FNIP1: variants seen among roughly 807,000 people sequenced by gnomAD.
FNIP1 encodes folliculin-interacting protein 1.
FNIP1 carries 40 observed loss-of-function variants against 124.5 expected under a neutral mutation model. That is an observed-to-expected ratio of 0.32 (90% CI 0.25 to 0.42). The LOEUF (loss-of-function observed/expected upper bound fraction) is 0.42. Ranked by LOEUF, FNIP1 falls within the 10% of genes least tolerant of loss-of-function variation. The pLI is 1.00. For synonymous variants in FNIP1, 472 were observed against 470.6 expected, an observed-to-expected ratio of 1.00 and a Z score of -0.04; for missense variants, 1,176 against 1,403.7, an observed-to-expected ratio of 0.84 and a Z score of 2.59.
intron 16 of FNIP1, among the ~76,000 whole-genome samples, chr5:131,648,113 T>G (rs1223439391): frequency 1.4e-5 from 2 of 147,638 alleles, no homozygotes; most frequent in African/African-American, 5.0e-5. Context: ...GAGGATCATC[T>G]GAGGCCAGGA....
intron 5 of FNIP1, 29 bp from the exon 6 acceptor site, chr5:131,716,685 CAA>C (rs549901556): frequency 1.7e-4 from 242 of 1,394,224 alleles, no homozygotes; most frequent in Non-Finnish European, 2.3e-4. Flanking sequence ...AAATTAATTC[CAA>C]ATTCATTTTA....
chr5:131,749,593 T>C (rs149938194), intron 1 of FNIP1, among the ~76,000 whole-genome samples: 2 of 152,234 alleles, frequency 1.3e-5, no homozygotes, highest in South Asian at 2.1e-4. Context: ...GGTTCCACCA[T>C]GTTGGCCAGG....
At chr5:131,694,211 T>C (rs1479085227) in intron 11 of FNIP1, among the ~76,000 whole-genome samples, 4 of 152,204 alleles carry the variant, frequency 2.6e-5, no homozygotes, top group Non-Finnish European at 5.9e-5. Context: ...CCAGCAATCA[T>C]GCTCCTATGT....
intron 1 of FNIP1, among the ~76,000 whole-genome samples, chr5:131,792,643 T>C (rs1772445753): frequency 6.6e-6 from 1 of 152,222 alleles, no homozygotes; most frequent in African/African-American, 2.4e-5. Flanking sequence ...TTTTGATCAC[T>C]GACAAGACGC....
chr5:131,723,037 T>C (rs957244525), intron 3 of FNIP1, among the ~76,000 whole-genome samples: 2 of 152,208 alleles, frequency 1.3e-5, no homozygotes, highest in African/African-American at 4.8e-5. Flanking sequence ...AGGTTACTAA[T>C]ATACAAAGCA....
At chr5:131,765,937 CTT>C (rs902564129) in intron 1 of FNIP1, among the ~76,000 whole-genome samples, 2 of 152,162 alleles carry the variant, frequency 1.3e-5, no homozygotes, top group African/African-American at 4.8e-5. Flanking sequence ...CAAGTATCTT[CTT>C]CTCATGCTCT....
At chr5:131,671,455 A>G in intron 14 of FNIP1, 50 bp downstream of exon 14, 1 of 1,378,034 alleles carries the variant, frequency 7.3e-7, no homozygotes, top group African/African-American at 1.4e-5. Context: ...AAAAAAGAGA[A>G]TGGTACATAT....
chr5:131,736,955 CTTAT>C (rs911771763), intron 2 of FNIP1, among the ~76,000 whole-genome samples: 1 of 152,116 alleles, frequency 6.6e-6, no homozygotes, highest in Non-Finnish European at 1.5e-5. Context: ...GAACTTGCAA[CTTAT>C]TTGTGATTGT....
intron 1 of FNIP1, among the ~76,000 whole-genome samples, chr5:131,775,430 A>T (rs1396994706): frequency 2.1e-5 from 3 of 146,042 alleles, no homozygotes; most frequent in African/African-American, 7.7e-5. Context: ...AGTAAGGATA[A>T]TAAAACAGTT....
At chr5:131,727,808 G>T (rs756702731) in intron 3 of FNIP1, among the ~76,000 whole-genome samples, 1 of 152,126 alleles carries the variant, frequency 6.6e-6, no homozygotes, top group Non-Finnish European at 1.5e-5. Context: ...TTTTGCAGTG[G>T]CTGTTACCGT....
At chr5:131,726,231 C>CT (rs1169566464) in intron 3 of FNIP1, among the ~76,000 whole-genome samples, 1 of 152,124 alleles carries the variant, frequency 6.6e-6, no homozygotes, top group East Asian at 1.9e-4. Flanking sequence ...GGAGGATTTC[C>CT]TTTTTTTCTA....
At chr5:131,726,629 A>AT (rs1297701480) in intron 3 of FNIP1, among the ~76,000 whole-genome samples, 3 of 152,042 alleles carry the variant, frequency 2.0e-5, no homozygotes, top group South Asian at 4.1e-4. Flanking sequence ...GGATTCATTG[A>AT]TTTTTTGAAG....
At chr5:131,653,961 C>T (rs1561638279) in intron 15 of FNIP1, among the ~76,000 whole-genome samples, 1 of 152,168 alleles carries the variant, frequency 6.6e-6, no homozygotes, top group South Asian at 2.1e-4. Flanking sequence ...AGGCTGGTCT[C>T]GAACTCCTGA....
rs1215748379 is a variant in FNIP1 at position 131,715,138 on chromosome 5, C to T, written c.622+1427G>A. Among the ~76,000 whole-genome samples the T allele has an allele frequency of 2.0e-5, 3 of 152,224 alleles. No homozygotes were observed. The East Asian group carries it at 5.8e-4, about 29-fold the overall frequency. ...TAAAAGTGAAGACAAGTATATCTAA[C>T]CTCTATAGTATAATTTACCTTTATA... On this transcript the variant is annotated intron_variant, in intron 6 of 17. Transcript: ENST00000510461.
At chr5:131,785,113 C>CAT (rs1449142035) in intron 1 of FNIP1, among the ~76,000 whole-genome samples, 1 of 10,132 alleles carries the variant, frequency 9.9e-5, no homozygotes, top group Non-Finnish European at 3.1e-4. Context: ...ATATATATAT[C>CAT]ATATATATGA....
intron 13 of FNIP1, among the ~76,000 whole-genome samples, chr5:131,674,146 A>G (rs1767846479): frequency 6.6e-6 from 1 of 152,126 alleles, no homozygotes; most frequent in South Asian, 2.1e-4. Flanking sequence ...ACCAGCTCCC[A>G]TGTTTGTAAA....
In FNIP1 at chr5:131,710,678, TA is replaced by T. The variant is rs2149536734; in HGVS notation, c.623-18del. 6.2e-7 allele frequency: 1 copy of T among 1,610,464 alleles called. No homozygotes were observed. Among genetic ancestry groups the T allele is most frequent in the Non-Finnish European group, 8.5e-7 (1 of 1,178,346 alleles). ...GTGAAAGACCTACATGGCAAAAACG[TA>T]AAATACACATGAAAGAGGACTGTTA... On this transcript the variant is annotated intron_variant, in intron 6 of 17. Transcript: ENST00000510461.
At chr5:131,793,036 C>CT (rs1053395775) in intron 1 of FNIP1, among the ~76,000 whole-genome samples, 1 of 151,290 alleles carries the variant, frequency 6.6e-6, no homozygotes, top group South Asian at 2.1e-4. Flanking sequence ...TTAAAACAAT[C>CT]TTTTTTTTTG....
intron 11 of FNIP1, among the ~76,000 whole-genome samples, chr5:131,689,415 A>T (rs1768400376): frequency 6.6e-6 from 1 of 152,212 alleles, no homozygotes; most frequent in African/African-American, 2.4e-5. Flanking sequence ...CATTTTCCTT[A>T]TTCTAAATTG....
Sources: allele counts gnomAD v4.1 joint callset (sites outside exome capture counted in the v4.1 genomes callset), GRCh38; gene constraint gnomAD v4.1.1; transcripts MANE v1.5; gene names NCBI Gene and HGNC (gene_info 2026-07-23, HGNC 2026-07-21).